Variants in MYO10 observed in about 807,000 individuals in gnomAD.
MYO10 encodes the protein unconventional myosin-X.
MYO10 carries 133 observed loss-of-function variants against 257.3 expected under a neutral mutation model. That is an observed-to-expected ratio of 0.52 (90% confidence interval 0.45 to 0.60). MYO10 has a LOEUF of 0.60. Among genes scored for constraint, MYO10 ranks in the 20% least tolerant of loss-of-function variants. The pLI is 0.00. For synonymous variants in MYO10, 1,104 were observed against 1,028.6 expected, an observed-to-expected ratio of 1.07 and a Z score of -1.40; for missense variants, 2,399 against 2,635.7, an observed-to-expected ratio of 0.91 and a Z score of 1.97.
At chr5:16,693,384 G>A (rs1457033973) in intron 27 of MYO10, among the ~76,000 whole-genome samples, 7 of 152,192 alleles carry the variant, frequency 4.6e-5, no homozygotes, top group Non-Finnish European at 1.0e-4. Flanking sequence ...TCAGACCCAG[G>A]ATTCTCACAA....
chr5:16,701,847 A>G lies in MYO10; in HGVS notation c.2557-9T>C, dbSNP rs766817280. 6 of 1,580,374 alleles carry G rather than the reference A, an allele frequency of 3.8e-6. No homozygotes were observed. In the Admixed American group the frequency reaches 1.1e-4, roughly 30 times the overall value. On this transcript the variant is annotated splice_polypyrimidine_tract_variant and intron_variant, in intron 24 of 40. Transcript: ENST00000513610. The surrounding 1 kb of genome is among the most constrained non-coding windows in gnomAD (Gnocchi z 8.1). ...TTCCTCGTTTCTTCTTCCTGGACAG[A>G]AGCAGAAGGGAGATTTCAGAAGGCT...
At chr5:16,675,988 G>C (rs1561171520) in intron 34 of MYO10, 43 bp downstream of exon 34, 1 of 1,570,314 alleles carries the variant, frequency 6.4e-7, no homozygotes. Context: ...AGGGCAAGTG[G>C]AATCATGGTC....
At chr5:16,684,645 T>A (rs1378974371) in intron 29 of MYO10, among the ~76,000 whole-genome samples, 1 of 152,240 alleles carries the variant, frequency 6.6e-6, no homozygotes, top group African/African-American at 2.4e-5. Context: ...ATCTTACACT[T>A]CTTCTCCTAA....
At chr5:16,777,408 T>C (rs1741252285) in intron 9 of MYO10, among the ~76,000 whole-genome samples, 1 of 152,118 alleles carries the variant, frequency 6.6e-6, no homozygotes, top group Non-Finnish European at 1.5e-5. Context: ...CATAGAGAAA[T>C]GATGCATGAT....
chr5:16,713,203 C>G (rs1738699203), intron 19 of MYO10: 1 of 577,196 alleles, frequency 1.7e-6, no homozygotes, highest in South Asian at 7.6e-5. Context: ...TGTTCCTGAT[C>G]CCCTCTTTTC....
chr5:16,732,183 T>G (rs1579923441), intron 19 of MYO10, among the ~76,000 whole-genome samples: 1 of 152,026 alleles, frequency 6.6e-6, no homozygotes, highest in Admixed American at 6.5e-5. Context: ...TCAATTAAAG[T>G]ATGCTGAAAG....
chr5:16,761,983 A>C (rs1740725688), intron 16 of MYO10, 62 bp downstream of exon 16: 1 of 1,451,560 alleles, frequency 6.9e-7, no homozygotes, highest in Admixed American at 3.0e-5. Context: ...GGCTTCTGAA[A>C]CCACTGTTTT....
At chr5:16,901,227 T>C (rs1745370097) in intron 1 of MYO10, among the ~76,000 whole-genome samples, 1 of 152,092 alleles carries the variant, frequency 6.6e-6, no homozygotes, top group African/African-American at 2.4e-5. Context: ...ATCCTCTGGC[T>C]TCGGCATTCA....
At chr5:16,830,802 A>C (rs1288998439) in intron 2 of MYO10, among the ~76,000 whole-genome samples, 1 of 152,186 alleles carries the variant, frequency 6.6e-6, no homozygotes, top group Non-Finnish European at 1.5e-5. Flanking sequence ...AAAGCTGAAA[A>C]AGCCAATTCC....
rs772495656 is a variant in MYO10 at position 16,758,142 on chromosome 5, C to T, written c.1824G>A (p.Arg608=). The T allele has an allele frequency of 1.2e-5, 19 of 1,612,656 alleles. No individual in the cohort carries two copies. The Middle Eastern group carries it at 6.6e-4, about 56-fold the overall frequency. Residue 608 remains arginine (R), a synonymous_variant, in exon 18 of 41, where the codon CGG becomes CGA. Coordinates refer to ENST00000513610, the MANE Select transcript of MYO10 (RefSeq NM_012334.3). ...CCTTGAACTGTGAGCTGACTGTAGG[C>T]CGCCGATGTTTGCTTCCACATTTCA... ...DTLKCGSKHR[R]PTVSSQFKDS... is the part of the protein sequence containing the mutation.
chr5:16,861,344 T>C (rs561902459), intron 2 of MYO10, among the ~76,000 whole-genome samples: 1 of 151,566 alleles, frequency 6.6e-6, no homozygotes, highest in African/African-American at 2.4e-5. Context: ...GGCAAGTGGA[T>C]TACCTGAGGT....
chr5:16,758,385 C>T (rs1740598366), intron 17 of MYO10, among the ~76,000 whole-genome samples, 159 bp from the exon 18 acceptor site: 1 of 152,204 alleles, frequency 6.6e-6, no homozygotes, highest in African/African-American at 2.4e-5. Context: ...AAACCAAACA[C>T]TGCCAAAGAG....
intron 10 of MYO10, among the ~76,000 whole-genome samples, 159 bp downstream of exon 10, chr5:16,768,915 A>G (rs1245989337): frequency 6.6e-6 from 1 of 151,952 alleles, no homozygotes. Context: ...GGCTCAAGCA[A>G]TCTGCCCGCC....
intron 33 of MYO10, among the ~76,000 whole-genome samples, chr5:16,678,683 T>C (rs1339190016): frequency 6.6e-6 from 1 of 152,232 alleles, no homozygotes; most frequent in Non-Finnish European, 1.5e-5. Flanking sequence ...CAATTTGATT[T>C]TGATGGAAAA....
chr5:16,919,975 G>T (rs974047597), intron 1 of MYO10, among the ~76,000 whole-genome samples: 1 of 152,188 alleles, frequency 6.6e-6, no homozygotes, highest in Admixed American at 6.5e-5. Flanking sequence ...TCTGGACATG[G>T]TGACACATGC....
chr5:16,919,039 T>C (rs528351181), intron 1 of MYO10, among the ~76,000 whole-genome samples: 2 of 152,132 alleles, frequency 1.3e-5, no homozygotes, highest in Non-Finnish European at 2.9e-5. Flanking sequence ...CAAATATGCA[T>C]TCCTGAAGAT....
intron 26 of MYO10, among the ~76,000 whole-genome samples, chr5:16,696,198 A>T (rs1044334322): frequency 6.6e-6 from 1 of 152,068 alleles, no homozygotes; most frequent in Non-Finnish European, 1.5e-5. Flanking sequence ...GATAGCACTC[A>T]CTCTTGGCCC....
At chr5:16,810,719 G>A (rs1241468441) in intron 3 of MYO10, among the ~76,000 whole-genome samples, 2 of 152,090 alleles carry the variant, frequency 1.3e-5, no homozygotes, top group Non-Finnish European at 2.9e-5. Context: ...AGGCTGCAAA[G>A]AACTATGATC....
At chr5:16,772,167 T>C (rs944198865) in intron 9 of MYO10, among the ~76,000 whole-genome samples, 29 of 151,960 alleles carry the variant, frequency 1.9e-4, no homozygotes, top group Non-Finnish European at 1.5e-5. Flanking sequence ...AGTTTCACTC[T>C]TGTTGCCCAG....
Sources: allele counts gnomAD v4.1 joint callset (sites outside exome capture counted in the v4.1 genomes callset), GRCh38; gene constraint gnomAD v4.1.1; non-coding constraint Gnocchi (gnomAD v3.1); transcripts MANE v1.5; gene names NCBI Gene and HGNC (gene_info 2026-07-23, HGNC 2026-07-21).